The following CDK14 variants were observed in gnomAD, a reference collection of about 807,000 sequenced individuals.
CDK14 encodes the protein cyclin dependent kinase 14, also known as cyclin-dependent kinase 14.
CDK14 carries 34 observed loss-of-function variants against 60.7 expected under a neutral mutation model. The ratio of observed to expected loss-of-function variants is 0.56; its 90% confidence interval spans 0.43 to 0.75. The LOEUF is 0.75. CDK14 is among the 30% of genes least tolerant of loss of function. The pLI is 0.00. For synonymous variants in CDK14, 197 were observed against 203.7 expected, an observed-to-expected ratio of 0.97 and a Z score of 0.28; for missense variants, 482 against 564.1, an observed-to-expected ratio of 0.85 and a Z score of 1.47.
intron 9 of CDK14, among the ~76,000 whole-genome samples, chr7:90,965,352 GGA>G (rs1286082319): frequency 2.0e-5 from 3 of 152,188 alleles, no homozygotes; most frequent in Non-Finnish European, 4.4e-5. Context: ...ACAAGTGAGA[GGA>G]GAGAGTGACT....
chr7:90,750,808 G>T (rs1803809218), intron 4 of CDK14, among the ~76,000 whole-genome samples: 1 of 151,940 alleles, frequency 6.6e-6, no homozygotes, highest in Non-Finnish European at 1.5e-5. Context: ...GCGAGGCGGA[G>T]GTTGCAGTGA....
intron 5 of CDK14, among the ~76,000 whole-genome samples, chr7:90,854,906 G>A (rs750446185): frequency 1.4e-4 from 22 of 152,202 alleles, no homozygotes; most frequent in Admixed American, 3.9e-4. Flanking sequence ...TCCCATCCTT[G>A]TTGCTAAGTA....
rs559702321 is a variant in CDK14 at position 90,823,576 on chromosome 7, C to A, written c.544+32924C>A. Among the ~76,000 whole-genome samples, 8 of 152,228 alleles carry A rather than the reference C, an allele frequency of 5.3e-5. No homozygotes were observed. In the East Asian group the frequency reaches 1.5e-3, roughly 29 times the overall value. On this transcript the variant is annotated intron_variant, in intron 5 of 14. Coordinates refer to ENST00000380050, the MANE Select transcript of CDK14 (RefSeq NM_001287135.2). Reference sequence around the variant, plus strand: ...TTAATGTGATCAGATCGGAAAGGTGCAGGAACAGAAAGTGCATGCAGCAAG... The same window carrying A: ...TTAATGTGATCAGATCGGAAAGGTGAAGGAACAGAAAGTGCATGCAGCAAG...
chr7:91,079,464 A>G lies in CDK14; in HGVS notation c.1138A>G (p.Arg380Gly), dbSNP rs1353929508. ...RFTLYSSKNL[R>G]QAWNKLSYVN... is the part of the protein sequence containing the mutation. The stretch of plus-strand genomic sequence containing the variant: ...TACCCTGTACAGCTCTAAAAACCTT[A>G]GACAAGCATGGAATAAGTAAGTCTT... The change falls in exon 12 of 15, where the codon AGA (arginine) becomes GGA (glycine). Residue 380 changes from arginine to glycine, a missense_variant. By Grantham distance (125) the Arg-to-Gly change is moderately radical. Coordinates refer to ENST00000380050, the MANE Select transcript of CDK14 (RefSeq NM_001287135.2). 1 of 1,602,788 alleles carries G rather than the reference A, an allele frequency of 6.2e-7. No homozygotes were observed. Among genetic ancestry groups the G allele is most frequent in the Admixed American group, 1.7e-5 (1 of 59,598 alleles).
chr7:90,812,214 A>G lies in CDK14; in HGVS notation c.544+21562A>G, dbSNP rs913680546. ...TAGCAATAGCAAAGACTTGGAACCA[A>G]CCCAAATATCCAACAATGATAAACT... On this transcript the variant is annotated intron_variant, in intron 5 of 14. Transcript: ENST00000380050. Among the ~76,000 whole-genome samples the G allele has an allele frequency of 6.6e-5, 10 of 152,366 alleles. No homozygotes were observed. In the East Asian group the frequency reaches 1.9e-3, roughly 29 times the overall value.
At chr7:91,021,299 CTG>C (rs781642608) in intron 10 of CDK14, among the ~76,000 whole-genome samples, 2 of 152,182 alleles carry the variant, frequency 1.3e-5, no homozygotes, top group Non-Finnish European at 2.9e-5. Flanking sequence ...GACTTAACCT[CTG>C]TGTCCCAGTT....
At chr7:91,050,310 CAG>C (rs1208666762) in intron 11 of CDK14, among the ~76,000 whole-genome samples, 3 of 152,034 alleles carry the variant, frequency 2.0e-5, no homozygotes, top group Non-Finnish European at 4.4e-5. Flanking sequence ...GAGGCTATAA[CAG>C]GAATCCAGGG....
At chr7:90,887,067 T>C (rs756447921) in intron 6 of CDK14, among the ~76,000 whole-genome samples, 14 of 152,126 alleles carry the variant, frequency 9.2e-5, no homozygotes, top group Non-Finnish European at 1.5e-5. Flanking sequence ...ATAGAAAAAT[T>C]TGTGAGTTTT....
intron 14 of CDK14, among the ~76,000 whole-genome samples, chr7:91,142,120 C>T (rs936027616): frequency 3.9e-4 from 59 of 152,134 alleles, no homozygotes; most frequent in African/African-American, 1.3e-3. Flanking sequence ...CCACCATGCC[C>T]GGCCAACAGT....
At chr7:90,881,051 A>G (rs192557849) in intron 6 of CDK14, among the ~76,000 whole-genome samples, 17 of 152,296 alleles carry the variant, frequency 1.1e-4, no homozygotes, top group African/African-American at 1.4e-4. Context: ...AATGATTGCA[A>G]TGTCTCTCCA....
intron 10 of CDK14, among the ~76,000 whole-genome samples, chr7:91,022,389 A>G (rs192125985): frequency 1.3e-5 from 2 of 150,232 alleles, no homozygotes; most frequent in Admixed American, 6.6e-5. Flanking sequence ...CCTGGTTTCT[A>G]TCAACTAAAT....
At chr7:90,934,767 A>T (rs1793698970) in intron 8 of CDK14, among the ~76,000 whole-genome samples, 1 of 152,234 alleles carries the variant, frequency 6.6e-6, no homozygotes, top group African/African-American at 2.4e-5. Flanking sequence ...CCAGATACAG[A>T]TGTAGATGTA....
At chr7:90,822,329 G>A (rs1256729726) in intron 5 of CDK14, among the ~76,000 whole-genome samples, 2 of 152,198 alleles carry the variant, frequency 1.3e-5, no homozygotes, top group African/African-American at 2.4e-5. Flanking sequence ...GAACTTCCCT[G>A]AAAGAATTTC....
chr7:90,897,457 C>T (rs894394311), intron 6 of CDK14, among the ~76,000 whole-genome samples: 2 of 151,494 alleles, frequency 1.3e-5, no homozygotes, highest in Non-Finnish European at 2.9e-5. Flanking sequence ...AAGCATTGAA[C>T]AGATTAGATA....
chr7:91,066,253 A>T (rs571292709), intron 11 of CDK14, among the ~76,000 whole-genome samples: 1 of 152,206 alleles, frequency 6.6e-6, no homozygotes, highest in Non-Finnish European at 1.5e-5. Flanking sequence ...TGCTTGTTCC[A>T]TGGTATTGTT....
At chr7:90,809,181 C>T (rs1209333358) in intron 5 of CDK14, among the ~76,000 whole-genome samples, 3 of 152,132 alleles carry the variant, frequency 2.0e-5, no homozygotes, top group Non-Finnish European at 4.4e-5. Flanking sequence ...CTTTTCAGCA[C>T]CACACCACAC....
At chr7:90,979,532 T>G (rs963465464) in intron 9 of CDK14, 2 of 152,226 alleles carry the variant, frequency 1.3e-5, no homozygotes, top group Non-Finnish European at 2.9e-5. Flanking sequence ...TTATAATTAC[T>G]GTGTTTATAC....
At chr7:91,085,284 G>C (rs1466493210) in intron 12 of CDK14, among the ~76,000 whole-genome samples, 1 of 152,136 alleles carries the variant, frequency 6.6e-6, no homozygotes, top group Non-Finnish European at 1.5e-5. Context: ...GTTGTTGGCA[G>C]AATTCAGTTC....
intron 10 of CDK14, among the ~76,000 whole-genome samples, chr7:91,022,463 G>A (rs1336116430): frequency 2.6e-5 from 4 of 152,234 alleles, no homozygotes; most frequent in East Asian, 1.9e-4. Flanking sequence ...TATATTTTAC[G>A]TATTTATTTA....
Sources: allele counts gnomAD v4.1 joint callset (sites outside exome capture counted in the v4.1 genomes callset), GRCh38; gene constraint gnomAD v4.1.1; transcripts MANE v1.5; gene names NCBI Gene and HGNC (gene_info 2026-07-23, HGNC 2026-07-21).